Variants in CLEC16A observed in about 807,000 individuals in gnomAD.
CLEC16A encodes C-type lectin domain containing 16A.
Under a neutral mutation model 109.5 loss-of-function variants are expected in CLEC16A, and 51 were observed. That is an observed-to-expected ratio of 0.47 (90% CI 0.37 to 0.59). The LOEUF (loss-of-function observed/expected upper bound fraction) is 0.59, where lower values mean the gene tolerates loss of function less well. CLEC16A is among the 20% of genes least tolerant of loss of function. CLEC16A has a pLI of 0.00. For missense variants in CLEC16A, 1,339 were observed against 1,394.0 expected (o/e 0.96, Z 0.63); for synonymous variants, 673 against 564.2 (o/e 1.19, Z -2.73).
chr16:11,154,626 C>A (rs929253975), intron 22 of CLEC16A, among the ~76,000 whole-genome samples: 1 of 152,124 alleles, frequency 6.6e-6, no homozygotes, highest in Non-Finnish European at 1.5e-5. Context: ...AAGACACTTA[C>A]GAAAATGAAA....
intron 10 of CLEC16A, among the ~76,000 whole-genome samples, chr16:10,991,423 CAAAAAAAAA>C (rs756161193): frequency 1.6e-4 from 10 of 63,376 alleles, no homozygotes; most frequent in South Asian, 6.0e-4. Context: ...GACTCCGTCT[CAAAAAAAAA>C]AAAAAAAAAA....
At chr16:10,990,879 G>A (rs1426377740) in intron 10 of CLEC16A, among the ~76,000 whole-genome samples, 1 of 152,210 alleles carries the variant, frequency 6.6e-6, no homozygotes, top group East Asian at 1.9e-4. Context: ...CTGTGGCATT[G>A]TTAGTTTTCA....
At chr16:10,962,408 T>A in intron 2 of CLEC16A, 47 bp from the exon 3 acceptor site, 2 of 1,611,850 alleles carry the variant, frequency 1.2e-6, no homozygotes, top group East Asian at 2.2e-5. Context: ...AATTTCTGTT[T>A]CCACATGTGG....
intron 19 of CLEC16A, among the ~76,000 whole-genome samples, chr16:11,091,498 T>TC (rs1011292837): frequency 9.9e-5 from 15 of 152,166 alleles, no homozygotes; most frequent in African/African-American, 2.9e-4. Context: ...GTCTCAGGCC[T>TC]CCCCCACCTC....
chr16:11,013,831 C>T (rs750580748), intron 11 of CLEC16A, among the ~76,000 whole-genome samples: 9 of 151,450 alleles, frequency 5.9e-5, no homozygotes, highest in South Asian at 2.1e-4. Context: ...CCTAGCTACT[C>T]GGGAGGCTGA....
At chr16:11,026,988 G>A in intron 13 of CLEC16A, 1 of 1,551,926 alleles carries the variant, frequency 6.4e-7, no homozygotes, top group Non-Finnish European at 8.9e-7. Context: ...CCATGTGGTG[G>A]GGTTGCGCAT....
intron 20 of CLEC16A, among the ~76,000 whole-genome samples, chr16:11,121,822 G>A (rs1490640412): frequency 7.0e-5 from 10 of 143,518 alleles, no homozygotes; most frequent in Non-Finnish European, 1.2e-4. Context: ...AGAGGATGCA[G>A]TGAGCTGAGA....
At chr16:11,167,425 C>T (rs988906489) in intron 23 of CLEC16A, among the ~76,000 whole-genome samples, 2 of 152,274 alleles carry the variant, frequency 1.3e-5, no homozygotes, top group East Asian at 3.9e-4. Context: ...ATTTCAGGGG[C>T]ACGTGGCCCA....
intron 19 of CLEC16A, among the ~76,000 whole-genome samples, chr16:11,117,509 G>T (rs2052084132): frequency 6.6e-6 from 1 of 152,056 alleles, no homozygotes; most frequent in Non-Finnish European, 1.5e-5. Context: ...GTTTTCCACA[G>T]TCATTGCAAT....
intron 1 of CLEC16A, among the ~76,000 whole-genome samples, chr16:10,946,585 C>G (rs1420792313): frequency 1.3e-5 from 2 of 151,836 alleles, no homozygotes; most frequent in Admixed American, 6.6e-5. Flanking sequence ...ATCGAGTGGG[C>G]GGAGGTGGCT....
rs2042867235 is a variant in CLEC16A at position 10,973,027 on chromosome 16, A to G, written c.694A>G (p.Ile232Val). 1 of 1,609,114 alleles carries G rather than the reference A, an allele frequency of 6.2e-7. No individual in the cohort carries two copies. The highest frequency in any genetic ancestry group is 8.5e-7 in the Non-Finnish European group (1 of 1,177,744). Residue 232 changes from isoleucine to valine, a missense_variant, in exon 7 of 24, where the codon ATC becomes GTC. By Grantham distance (29) the Ile-to-Val change is conservative (BLOSUM62 3). Transcript: ENST00000409790. Reference protein sequence around the residue: ...NLVWFIGSHVIELDDCVQTDE... With the variant: ...NLVWFIGSHVVELDDCVQTDE... Reference sequence around the variant, plus strand: ...GGTCTGGTTCATTGGGAGCCATGTGATCGAACTCGATGACTGCGTGCAGAC... The same window carrying G: ...GGTCTGGTTCATTGGGAGCCATGTGGTCGAACTCGATGACTGCGTGCAGAC...
At chr16:10,964,712 A>C (rs1180014697) in intron 3 of CLEC16A, among the ~76,000 whole-genome samples, 2 of 152,208 alleles carry the variant, frequency 1.3e-5, no homozygotes, top group Non-Finnish European at 2.9e-5. Flanking sequence ...TACGGCTTTT[A>C]GAGTGTTTCT....
intron 3 of CLEC16A, among the ~76,000 whole-genome samples, chr16:10,964,152 G>T (rs1267787826): frequency 6.6e-6 from 1 of 152,236 alleles, no homozygotes; most frequent in Non-Finnish European, 1.5e-5. Context: ...TGGCCAAGAG[G>T]GAGAGGTGAA....
chr16:10,961,395 G>A lies in CLEC16A; in HGVS notation c.210-1060G>A, dbSNP rs539830741. On this transcript the variant is annotated intron_variant, in intron 2 of 23. Coordinates refer to ENST00000409790, the MANE Select transcript of CLEC16A (RefSeq NM_015226.3). This position sits in a 1 kb window ranked among gnomAD's most constrained non-coding sequence, Gnocchi z 4.3. ...TGTGGAGATGCCAGACGAGGACAGA[G>A]AGGCACCCACAACTGAGTCAGCCCG... 6.6e-5 allele frequency among the ~76,000 whole-genome samples: 10 copies of A among 152,324 alleles called. No homozygotes were observed. Among genetic ancestry groups the A allele is most frequent in the African/African-American group, 2.4e-4 (10 of 41,566 alleles).
intron 19 of CLEC16A, among the ~76,000 whole-genome samples, chr16:11,081,133 A>G (rs1024613955): frequency 6.6e-6 from 1 of 152,322 alleles, no homozygotes; most frequent in African/African-American, 2.4e-5. Context: ...CTTCAGTTGT[A>G]TGGCCTGGGC....
chr16:10,958,763 G>C (rs867413436), intron 2 of CLEC16A, among the ~76,000 whole-genome samples: 2 of 152,116 alleles, frequency 1.3e-5, no homozygotes, highest in African/African-American at 4.8e-5. Context: ...AATTAGTCAT[G>C]CATGGTTGTG....
chr16:11,072,438 T>C (rs772789558), intron 19 of CLEC16A, among the ~76,000 whole-genome samples: 4 of 152,304 alleles, frequency 2.6e-5, no homozygotes, highest in Admixed American at 6.5e-5. Flanking sequence ...CTTTAAACTT[T>C]TATGAGAATT....
chr16:11,009,404 G>T (rs1423588923), intron 11 of CLEC16A, among the ~76,000 whole-genome samples: 1 of 152,126 alleles, frequency 6.6e-6, no homozygotes, highest in Non-Finnish European at 1.5e-5. Context: ...ATAAACATGG[G>T]TATACAAATC....
At chr16:11,068,940 G>A (rs891961866) in intron 19 of CLEC16A, among the ~76,000 whole-genome samples, 5 of 151,428 alleles carry the variant, frequency 3.3e-5, no homozygotes, top group Non-Finnish European at 5.9e-5. Flanking sequence ...TCAGCCTCCC[G>A]AGTAGCTGGG....
Sources: allele counts gnomAD v4.1 joint callset (sites outside exome capture counted in the v4.1 genomes callset), GRCh38; gene constraint gnomAD v4.1.1; non-coding constraint Gnocchi (gnomAD v3.1); transcripts MANE v1.5; gene names NCBI Gene and HGNC (gene_info 2026-07-23, HGNC 2026-07-21).